Variants in IQUB observed in about 807,000 individuals in gnomAD.
IQUB encodes IQ motif and ubiquitin-like domain-containing protein.
In IQUB, 86 loss-of-function variants were observed where a neutral mutation model predicts 86.4. That is an observed-to-expected ratio of 1.00 (90% confidence interval 0.84 to 1.19). IQUB has a LOEUF of 1.19. Ranked by LOEUF, IQUB falls within the 50% of genes most tolerant of loss-of-function variation. The pLI is 0.00. For missense variants in IQUB, 946 were observed against 916.9 expected (o/e 1.03, Z -0.41); for synonymous variants, 289 against 304.5 (o/e 0.95, Z 0.53).
chr7:123,530,183 G>C (rs1365997057), intron 1 of IQUB, among the ~76,000 whole-genome samples: 2 of 152,026 alleles, frequency 1.3e-5, no homozygotes, highest in Non-Finnish European at 2.9e-5. Flanking sequence ...TTCCAGCCTG[G>C]GCAACAGAGC....
rs1793474440 is a variant in IQUB, at chr7:123,452,629, CA to C, written c.*113del. The stretch of plus-strand genomic sequence containing the variant: ...ATATAACTCAAAATACTATGAAAAA[CA>C]AAAAACAAAATCAATAAACAGATTA... On this transcript the variant is annotated 3_prime_UTR_variant, in exon 13 of 13. Transcript: ENST00000324698. 6 of 620,414 alleles carry C rather than the reference CA, an allele frequency of 9.7e-6. No individual in the cohort carries two copies. In the Admixed American group the frequency reaches 2.0e-4, roughly 20 times the overall value. 38.4% of individuals were successfully genotyped at this position (620,414 alleles called of 1,614,324 possible). A position where few individuals can be genotyped will look rare whatever the true frequency, so the allele number is the denominator to read the frequency against.
chr7:123,465,955 C>G (rs1390840011), intron 9 of IQUB, among the ~76,000 whole-genome samples: 3 of 152,002 alleles, frequency 2.0e-5, no homozygotes, highest in African/African-American at 7.2e-5. Context: ...CTAATATGTA[C>G]TGAGGTTTAA....
intron 11 of IQUB, among the ~76,000 whole-genome samples, chr7:123,460,961 CTTT>C: frequency 6.6e-6 from 1 of 151,336 alleles, no homozygotes; most frequent in South Asian, 2.1e-4. Context: ...GTATCAAAGC[CTTT>C]CCCTAAGGTT....
chr7:123,529,274 G>A (rs889087705), intron 1 of IQUB, among the ~76,000 whole-genome samples: 54 of 151,952 alleles, frequency 3.6e-4, no homozygotes, highest in Middle Eastern at 6.8e-3. Context: ...TCATATCAAT[G>A]TCTTTCATAA....
At chr7:123,483,423 T>C (rs1795090847) in intron 7 of IQUB, among the ~76,000 whole-genome samples, 1 of 152,076 alleles carries the variant, frequency 6.6e-6, no homozygotes, top group Non-Finnish European at 1.5e-5. Context: ...AACTACATCC[T>C]GGCCATAGAA....
chr7:123,497,277 T>C (rs1795747824), intron 6 of IQUB, among the ~76,000 whole-genome samples: 1 of 152,166 alleles, frequency 6.6e-6, no homozygotes, highest in Non-Finnish European at 1.5e-5. Flanking sequence ...AATAAGAGTA[T>C]ACATATAAAG....
intron 9 of IQUB, among the ~76,000 whole-genome samples, chr7:123,467,107 ATAAAT>A (rs1171784686): frequency 2.0e-5 from 3 of 150,902 alleles, no homozygotes; most frequent in African/African-American, 7.3e-5. Context: ...TATGGTCAGG[ATAAAT>A]TAAATAAAAT....
intron 10 of IQUB, among the ~76,000 whole-genome samples, chr7:123,464,435 G>T (rs1225034525): frequency 6.6e-6 from 1 of 151,906 alleles, no homozygotes; most frequent in Non-Finnish European, 1.5e-5. Flanking sequence ...TCCCTGTGAG[G>T]CCTCATGAAG....
At chr7:123,493,550 C>T (rs1220490226) in intron 7 of IQUB, among the ~76,000 whole-genome samples, 1 of 152,100 alleles carries the variant, frequency 6.6e-6, no homozygotes, top group East Asian at 1.9e-4. Flanking sequence ...ATGAAAAAGA[C>T]AGAAGCGTCC....
chr7:123,512,144 T>G lies in IQUB; in HGVS notation c.197A>C (p.Gln66Pro). 1.2e-6 allele frequency: 2 copies of G among 1,614,048 alleles called. No homozygotes were observed. The highest frequency in any genetic ancestry group is 1.7e-6 in the Non-Finnish European group (2 of 1,179,936). ...GTCTGGTTCCAGGCTTGAAAAGCTTTGGTCACTCTGCTCCTCAACATGTAT... is the reference window on the plus strand; with the variant it reads ...GTCTGGTTCCAGGCTTGAAAAGCTTGGGTCACTCTGCTCCTCAACATGTAT... ...HAIHVEEQSD[Q>P]SFSSLEPDNE... is the part of the protein sequence containing the mutation. Residue 66 changes from glutamine (Q) to proline (P), a missense_variant, in exon 2 of 13, where the codon CAA (glutamine) becomes CCA (proline). By Grantham distance (76) the Gln-to-Pro change is moderately conservative. Coordinates refer to ENST00000324698, the MANE Select transcript of IQUB (RefSeq NM_178827.5).
At chr7:123,503,999 A>C (rs2117213476) in intron 3 of IQUB, among the ~76,000 whole-genome samples, 1 of 152,312 alleles carries the variant, frequency 6.6e-6, no homozygotes, top group Admixed American at 6.5e-5. Flanking sequence ...TATGCTAAAC[A>C]TTCATTCTAT....
intron 7 of IQUB, among the ~76,000 whole-genome samples, chr7:123,492,561 G>T (rs1021213497): frequency 1.3e-5 from 2 of 152,146 alleles, no homozygotes; most frequent in Non-Finnish European, 2.9e-5. Flanking sequence ...GAAAGACACT[G>T]TTAAGAGAAT....
intron 3 of IQUB, among the ~76,000 whole-genome samples, chr7:123,508,606 C>T (rs1295622217): frequency 1.1e-4 from 17 of 152,208 alleles, no homozygotes; most frequent in Admixed American, 1.1e-3. Context: ...GACGAAAGGT[C>T]ATGAGGTATA....
chr7:123,510,755 G>A (rs1033931514), intron 2 of IQUB, among the ~76,000 whole-genome samples: 2 of 152,040 alleles, frequency 1.3e-5, no homozygotes, highest in African/African-American at 4.8e-5. Context: ...AGTAGGCATT[G>A]GTAATGCGAA....
intron 2 of IQUB, 149 bp downstream of exon 2, chr7:123,511,795 G>A (rs1255503439): frequency 1.8e-6 from 1 of 541,136 alleles, no homozygotes. Context: ...AGAGATTCAA[G>A]CTATGTAACT....
intron 6 of IQUB, chr7:123,501,688 TTTTAAC>T (rs1257622768): frequency 4.6e-5 from 7 of 152,234 alleles, no homozygotes; most frequent in Admixed American, 4.6e-4. Flanking sequence ...TTCCCATCTC[TTTTAAC>T]TTTGTTTCCA....
At chr7:123,508,771 C>T (rs1339531172) in intron 3 of IQUB, among the ~76,000 whole-genome samples, 2 of 152,332 alleles carry the variant, frequency 1.3e-5, no homozygotes, top group African/African-American at 4.8e-5. Flanking sequence ...CTGCCACTTA[C>T]AAGTTTTGTG....
chr7:123,466,291 T>A (rs748971751), intron 9 of IQUB, among the ~76,000 whole-genome samples: 1 of 152,164 alleles, frequency 6.6e-6, no homozygotes, highest in African/African-American at 2.4e-5. Flanking sequence ...ACTAAACATA[T>A]TAAGATATGC....
rs866017455 is a variant in IQUB, at chr7:123,529,661, C to T, written c.-5+4831G>A. On this transcript the variant is annotated intron_variant, in intron 1 of 12. Coordinates refer to ENST00000324698, the MANE Select transcript of IQUB (RefSeq NM_178827.5). ...CAGCGCTTTGGGAGTCTAAAGTGGGCGGATCTTGAGGTCAGGAGTTGGGAG... is the reference window on the plus strand; with the variant it reads ...CAGCGCTTTGGGAGTCTAAAGTGGGTGGATCTTGAGGTCAGGAGTTGGGAG... Among the ~76,000 whole-genome samples, 7 of 122,710 alleles carry T rather than the reference C, an allele frequency of 5.7e-5. No individual in the cohort carries two copies. In the South Asian group the frequency reaches 7.8e-4, roughly 14 times the overall value. 80.5% of individuals were successfully genotyped at this position (122,710 alleles called of 152,430 possible).
Sources: gnomAD v4.1 joint callset for allele counts (sites outside exome capture counted in the v4.1 genomes callset) on GRCh38, gnomAD v4.1.1 for gene constraint, MANE v1.5 for transcripts, NCBI Gene and HGNC (gene_info 2026-07-23, HGNC 2026-07-21) for gene names.